The following ESPN variants were observed in gnomAD, a reference collection of about 807,000 sequenced individuals.
ESPN encodes the protein espin.
Under a neutral mutation model 77.7 loss-of-function variants are expected in ESPN, and 68 were observed. The ratio of observed to expected loss-of-function variants is 0.87; its 90% CI spans 0.72 to 1.07. The LOEUF (loss-of-function observed/expected upper bound fraction) is 1.07. ESPN is among the 50% of genes least tolerant of loss of function. The pLI, the probability that ESPN is intolerant of heterozygous loss-of-function variation, is 0.00. For synonymous variants in ESPN, 449 were observed against 567.1 expected (o/e 0.79, Z 2.96); for missense variants, 1,060 against 1,239.0 (o/e 0.86, Z 2.17).
chr1:6,452,472 AG>A (rs1643966940), intron 10 of ESPN, among the ~76,000 whole-genome samples: 1 of 152,162 alleles, frequency 6.6e-6, no homozygotes, highest in Non-Finnish European at 1.5e-5. Context: ...TAGGGAAAGC[AG>A]GGTGGTACAA....
chr1:6,439,009 G>T (rs1429278510), intron 2 of ESPN, among the ~76,000 whole-genome samples: 1 of 152,222 alleles, frequency 6.6e-6, no homozygotes, highest in Non-Finnish European at 1.5e-5. Context: ...CTGCTTGGGA[G>T]GCTGAGGCAG....
In ESPN at chr1:6,427,323, G is replaced by A. The variant is rs972565530; in HGVS notation, c.295-903G>A. Among the ~76,000 whole-genome samples the A allele has an allele frequency of 6.6e-6, 1 of 152,120 alleles. No homozygotes were observed. The highest frequency in any genetic ancestry group is 2.4e-5 in the African/African-American group (1 of 41,418). On this transcript the variant is annotated intron_variant, in intron 1 of 12. Transcript: ENST00000645284. This position sits in a 1 kb window ranked among gnomAD's most constrained non-coding sequence, Gnocchi z 4.6. ...CACTCTGCCAAGTGCGGCAGCCTCT[G>A]TGTCTAGATGTTCCCGGGAATTCTC... is the stretch of plus-strand genomic sequence containing the variant.
In ESPN at chr1:6,444,582, G is replaced by C; in HGVS notation, c.1092G>C (p.Gln364His). 6.2e-7 allele frequency: 1 copy of C among 1,614,212 alleles called. No homozygotes were observed. Among genetic ancestry groups the C allele is most frequent in the Non-Finnish European group, 8.5e-7 (1 of 1,180,026 alleles). ...MSSPNTTVSVQPLNFDLSSPT... is the reference protein window; with the variant it reads ...MSSPNTTVSVHPLNFDLSSPT... ...CACCCAATACCACGGTGTCGGTCCA[G>C]CCGCTGAACTTTGACCTCAGCTCGC... The change falls in exon 6 of 13, where the codon CAG becomes CAC. Residue 364 changes from glutamine (Q) to histidine (H), a missense_variant. Gln to His is a conservative substitution (Grantham distance 24). Coordinates refer to ENST00000645284, the MANE Select transcript of ESPN (RefSeq NM_031475.3).
At chr1:6,449,981 C>T (rs538466035) in intron 8 of ESPN, among the ~76,000 whole-genome samples, 153 of 152,308 alleles carry the variant, frequency 1.0e-3, no homozygotes, top group South Asian at 4.6e-3. Flanking sequence ...AGTCCCCCTA[C>T]GGTTCCTATG....
rs541602780 is a variant in ESPN at position 6,428,806 on chromosome 1, A to G, written c.488+387A>G. 3.0e-4 allele frequency among the ~76,000 whole-genome samples: 46 copies of G among 152,278 alleles called. No homozygotes were observed. The highest frequency in any genetic ancestry group is 1.4e-3 in the Admixed American group (22 of 15,306). On this transcript the variant is annotated intron_variant, in intron 2 of 12. Transcript: ENST00000645284. This position sits in a 1 kb window ranked among gnomAD's most constrained non-coding sequence, Gnocchi z 5.4. ...TGTTCAGGATGGAGTCGGGGGCAGC[A>G]AGGGCAGGAGCGCCTCCTAGGCCCT...
In ESPN at chr1:6,425,140, C is replaced by A; in HGVS notation, c.185C>A (p.Pro62His). ...LRFLVEEAALPAAARARNGAT... is the reference protein window; with the variant it reads ...LRFLVEEAALHAAARARNGAT... ...TTCCTGGTGGAGGAAGCCGCCCTCC[C>A]CGCCGCGGCCCGCGCCCGCAACGGC... is the stretch of plus-strand genomic sequence containing the variant. The change falls in exon 1 of 13, where the codon CCC becomes CAC. Residue 62 changes from proline to histidine, a missense_variant. By Grantham distance (77) the Pro-to-His change is moderately conservative. Around this residue, in one of 3 missense-constraint regions of ESPN, gnomAD observed 556 missense variants for 633.6 expected, o/e 0.88. Coordinates refer to ENST00000645284, the MANE Select transcript of ESPN (RefSeq NM_031475.3). The A allele has an allele frequency of 6.6e-7, 1 of 1,508,494 alleles. No homozygotes were observed. Among genetic ancestry groups the A allele is most frequent in the Non-Finnish European group, 8.8e-7 (1 of 1,136,848 alleles). The allele number at this position is 1,508,494 out of a possible 1,614,324, so 93.4% of individuals were successfully genotyped here.
At position 6,452,024 on chromosome 1, in the gene ESPN, C is replaced by T. The variant is rs371034506; in HGVS notation, c.2253C>T (p.Pro751=). ...PTHDEQGRPI[P]EWKRQVMVRK... ...ACGATGAGCAGGGCCGGCCCATCCCCGAGTGGAAGCGCCAGGTGATGGTGC... is the reference window on the plus strand; with the variant it reads ...ACGATGAGCAGGGCCGGCCCATCCCTGAGTGGAAGCGCCAGGTGATGGTGC... Residue 751 remains proline, a synonymous_variant, in exon 10 of 13, where the codon CCC becomes CCT. Transcript: ENST00000645284. The T allele has an allele frequency of 7.5e-6, 12 of 1,591,640 alleles. No homozygotes were observed. Among genetic ancestry groups the T allele is most frequent in the East Asian group, 4.6e-5 (2 of 43,750 alleles).
At chr1:6,446,959 AGCTCCCACAGTG>A (rs1314954834) in intron 7 of ESPN, 1 of 152,228 alleles carries the variant, frequency 6.6e-6, no homozygotes, top group Non-Finnish European at 1.5e-5. Context: ...CCTTAGACCA[AGCTCCCACAGTG>A]GCTTCCCCTT....
At chr1:6,429,056 T>TG (rs1224860826) in intron 2 of ESPN, among the ~76,000 whole-genome samples, 3 of 52,050 alleles carry the variant, frequency 5.8e-5, no homozygotes, top group Non-Finnish European at 8.6e-5. Context: ...CTGGGTGGGG[T>TG]GGGGGGTCAC....
chr1:6,446,308 C>T (rs1020604299), intron 7 of ESPN, among the ~76,000 whole-genome samples: 1 of 152,204 alleles, frequency 6.6e-6, no homozygotes, highest in Non-Finnish European at 1.5e-5. Flanking sequence ...CCCACAGCCC[C>T]AGGCTCAGTC....
At chr1:6,442,197 T>A (rs1388200210) in intron 5 of ESPN, among the ~76,000 whole-genome samples, 1 of 152,118 alleles carries the variant, frequency 6.6e-6, no homozygotes, top group Non-Finnish European at 1.5e-5. Flanking sequence ...CAGCAAACAC[T>A]ATTCATTGGA....
chr1:6,442,830 T>TGCA (rs1643687932), intron 5 of ESPN, among the ~76,000 whole-genome samples: 1 of 138,084 alleles, frequency 7.2e-6, no homozygotes, highest in South Asian at 2.3e-4. Flanking sequence ...ATCACGCCAC[T>TGCA]GCACTCCAGC....
At chr1:6,426,195 G>A (rs1643027693) in intron 1 of ESPN, among the ~76,000 whole-genome samples, 1 of 152,174 alleles carries the variant, frequency 6.6e-6, no homozygotes, top group East Asian at 1.9e-4. Flanking sequence ...CCCCAAAGAT[G>A]GCCAGGCCAA....
intron 5 of ESPN, among the ~76,000 whole-genome samples, 164 bp downstream of exon 5, chr1:6,441,229 G>A (rs1032152349): frequency 2.0e-5 from 3 of 152,034 alleles, no homozygotes; most frequent in Non-Finnish European, 4.4e-5. Flanking sequence ...ACTGGGGACT[G>A]AGGGAGTAGA....
chr1:6,440,601 C>CCCCAAAG, intron 3 of ESPN, 25 bp from the exon 4 acceptor site: 1 of 1,253,550 alleles, frequency 8.0e-7, no homozygotes, highest in Non-Finnish European at 1.1e-6. Flanking sequence ...GCCCCCGCCC[C>CCCCAAAG]CCTCTCCCCG....
At chr1:6,445,623 C>T in intron 6 of ESPN, 41 bp from the exon 7 acceptor site, 1 of 1,602,570 alleles carries the variant, frequency 6.2e-7, no homozygotes, top group East Asian at 2.2e-5. Context: ...GACAGCCTGT[C>T]TGCATGCTCC....
chr1:6,441,874 A>C (rs1185840329), intron 5 of ESPN, among the ~76,000 whole-genome samples: 1 of 152,176 alleles, frequency 6.6e-6, no homozygotes, highest in Admixed American at 6.5e-5. Context: ...CCCCCAGCAC[A>C]GGGGGATGGT....
chr1:6,430,410 A>G (rs1643199479), intron 2 of ESPN, among the ~76,000 whole-genome samples: 1 of 152,202 alleles, frequency 6.6e-6, no homozygotes, highest in African/African-American at 2.4e-5. Context: ...GGGGAAGCTC[A>G]GCTAATTCCA....
intron 2 of ESPN, among the ~76,000 whole-genome samples, chr1:6,432,446 G>C (rs376140981): frequency 6.6e-6 from 1 of 152,174 alleles, no homozygotes; most frequent in Non-Finnish European, 1.5e-5. Flanking sequence ...CCTGACCTAC[G>C]TGGAGGCTCT....
Sources: gnomAD v4.1 joint callset for allele counts (sites outside exome capture counted in the v4.1 genomes callset) on GRCh38, gnomAD v4.1.1 for gene constraint, gnomAD v4.1.1 regional missense constraint, Gnocchi (gnomAD v3.1) non-coding constraint, MANE v1.5 for transcripts, NCBI Gene and HGNC (gene_info 2026-07-23, HGNC 2026-07-21) for gene names.